Variants in SYNE1 observed in about 807,000 individuals in gnomAD.
SYNE1 encodes the protein nesprin-1.
Under a neutral mutation model 1,111.0 loss-of-function variants are expected in SYNE1, and 616 were observed. The observed-to-expected ratio is 0.55, with a 90% CI of 0.52 to 0.59. The LOEUF is 0.59. Among genes scored for constraint, SYNE1 ranks in the 20% least tolerant of loss-of-function variants. The pLI is 0.00. For synonymous variants in SYNE1, 3,855 were observed against 3,825.8 expected (o/e 1.01, Z -0.28); for missense variants, 10,006 against 10,417.0 (o/e 0.96, Z 1.72).
chr6:152,608,578 C>T (rs1047455740), intron 3 of SYNE1, among the ~76,000 whole-genome samples: 34 of 152,268 alleles, frequency 2.2e-4, no homozygotes, highest in African/African-American at 7.9e-4. Context: ...TCCTATTTTG[C>T]CTTAACTAAA....
chr6:152,627,805 T>C (rs2099688946), intron 3 of SYNE1, among the ~76,000 whole-genome samples: 1 of 152,156 alleles, frequency 6.6e-6, no homozygotes, highest in Non-Finnish European at 1.5e-5. Flanking sequence ...TGCCTCATTT[T>C]TCTTAAAAAA....
In SYNE1 at chr6:152,367,335, G is replaced by C; in HGVS notation, c.9855C>G (p.Phe3285Leu). The part of the protein sequence containing the change: ...LDRIVAEHNQ[F>L]SLGIKELQDW... ...CTTGTAATTCTTTAATCCCAAGAGA[G>C]AACTGATTGTGTTCTGCAACGATTC... is the stretch of plus-strand genomic sequence containing the variant. Residue 3285 changes from phenylalanine (F) to leucine (L), a missense_variant, in exon 62 of 146, where the codon TTC becomes TTG. Physicochemically the swap from Phe to Leu is conservative, Grantham distance 22. Around this residue, in one of 7 missense-constraint regions of SYNE1, gnomAD observed 4,955 missense variants for 5,017.2 expected, o/e 0.99. Coordinates refer to ENST00000367255, the MANE Select transcript of SYNE1 (RefSeq NM_182961.4). 1 of 1,614,170 alleles carries C rather than the reference G, an allele frequency of 6.2e-7. No homozygotes were observed. The highest frequency in any genetic ancestry group is 8.5e-7 in the Non-Finnish European group (1 of 1,180,030).
intron 4 of SYNE1, among the ~76,000 whole-genome samples, chr6:152,531,209 G>GAA (rs1393853013): frequency 6.7e-6 from 1 of 149,580 alleles, no homozygotes; most frequent in African/African-American, 2.5e-5. Context: ...ATAAGAAAAT[G>GAA]AAAAAAAAAA....
chr6:152,573,187 T>G (rs1377422459), intron 3 of SYNE1, among the ~76,000 whole-genome samples: 6 of 152,010 alleles, frequency 3.9e-5, no homozygotes, highest in Non-Finnish European at 8.8e-5. Flanking sequence ...TTTTTAAATT[T>G]TATTATTATT....
In SYNE1 at chr6:152,526,142, CA is replaced by C. The variant is rs1179696594; in HGVS notation, c.162del (p.Phe54LeufsTer4). On this transcript the variant is annotated frameshift_variant, in exon 5 of 146. Transcript: ENST00000367255. LOFTEE classifies it high-confidence loss of function. ...AGTTTAACACCATCTTTCATGTCTT[CA>C]AAAAGATCGTCCACCACCATTGGAG... ...RKPPMVVDDLFEDMKDGVKLL... is the reference protein window; with the variant it reads ...RKPPMVVDDLXEDMKDGVKLL... 1 of 1,614,012 alleles carries C rather than the reference CA, an allele frequency of 6.2e-7. No homozygotes were observed. The highest frequency in any genetic ancestry group is 8.5e-7 in the Non-Finnish European group (1 of 1,179,996).
intron 141 of SYNE1, 93 bp from the exon 142 acceptor site, chr6:152,135,325 C>G (rs569292155): frequency 1.4e-6 from 2 of 1,453,228 alleles, no homozygotes; most frequent in Admixed American, 3.9e-5. Context: ...AGCAAACATA[C>G]TTGGTTTTAA....
chr6:152,471,564 T>C (rs1479456326), intron 16 of SYNE1, 33 bp downstream of exon 16: 43 of 1,607,842 alleles, frequency 2.7e-5, no homozygotes, highest in Non-Finnish European at 3.4e-5. Flanking sequence ...CCATGGCTCA[T>C]AGGAATTCTC....
Position 152,262,031 on chromosome 6 carries a change from C to T in SYNE1, c.18972+1G>A. The T allele has an allele frequency of 6.2e-7, 1 of 1,611,212 alleles. No individual in the cohort carries two copies. The highest frequency in any genetic ancestry group is 1.1e-5 in the South Asian group (1 of 90,614). On this transcript the variant is annotated splice_donor_variant, in intron 101 of 145. Transcript: ENST00000367255. LOFTEE classifies it high-confidence loss of function. ...AATATATAATGTAAAATATTTGATA[C>T]CACTTGCTCTTGTTCCTGTTCCAGA...
chr6:152,494,359 T>G (rs2036939132), intron 11 of SYNE1, among the ~76,000 whole-genome samples: 1 of 152,276 alleles, frequency 6.6e-6, no homozygotes. Context: ...CTACCACACC[T>G]GACCCCCATG....
At chr6:152,310,598 T>A in intron 88 of SYNE1, 80 bp from the exon 89 acceptor site, 1 of 1,611,340 alleles carries the variant, frequency 6.2e-7, no homozygotes, top group South Asian at 1.1e-5. Context: ...AGAAACCACA[T>A]CACAGGTGAG....
At chr6:152,623,209 A>G (rs1452160932) in intron 3 of SYNE1, among the ~76,000 whole-genome samples, 1 of 152,118 alleles carries the variant, frequency 6.6e-6, no homozygotes, top group African/African-American at 2.4e-5. Context: ...AGCAACAAAC[A>G]TCTGATCTTT....
chr6:152,359,505 C>T, intron 64 of SYNE1, 47 bp from the exon 65 acceptor site: 1 of 1,611,260 alleles, frequency 6.2e-7, no homozygotes, highest in Non-Finnish European at 8.5e-7. Flanking sequence ...TGCACCATCA[C>T]ATCAACGACA....
chr6:152,416,806 A>G lies in SYNE1; in HGVS notation c.5631T>C (p.His1877=), dbSNP rs2098161657. ...LSHLAEFLQS[H]ASLSGILRQL... is the part of the protein sequence containing the mutation. ...GGCGGAGAATGCCGGACAGAGAGGC[A>G]TGGCTCTGGAGGAATTCTGCCAAAT... The change falls in exon 41 of 146, where the codon CAT becomes CAC. Residue 1877 remains histidine, a synonymous_variant. Transcript: ENST00000367255. The G allele has an allele frequency of 1.2e-6, 2 of 1,614,062 alleles. No homozygotes were observed. Among genetic ancestry groups the G allele is most frequent in the Non-Finnish European group, 1.7e-6 (2 of 1,180,046 alleles).
At chr6:152,424,386 C>T (rs929153953) in intron 39 of SYNE1, among the ~76,000 whole-genome samples, 6 of 152,262 alleles carry the variant, frequency 3.9e-5, no homozygotes, top group African/African-American at 7.2e-5. Context: ...CCTTACTTTC[C>T]CTCTAAGGGA....
At chr6:152,556,151 A>G (rs1464248345) in intron 3 of SYNE1, among the ~76,000 whole-genome samples, 1 of 152,224 alleles carries the variant, frequency 6.6e-6, no homozygotes, top group Non-Finnish European at 1.5e-5. Flanking sequence ...AGAGACATCA[A>G]TTTGAACAAC....
intron 138 of SYNE1, among the ~76,000 whole-genome samples, chr6:152,141,586 G>A (rs2058564263): frequency 6.6e-6 from 1 of 151,908 alleles, no homozygotes; most frequent in African/African-American, 2.4e-5. Context: ...GCAAAACTCT[G>A]TCTCTACAAA....
At chr6:152,510,136 G>A in intron 8 of SYNE1, 57 bp downstream of exon 8, 1 of 1,555,666 alleles carries the variant, frequency 6.4e-7, no homozygotes. Flanking sequence ...GTTGCAATTA[G>A]TAACATTCAT....
chr6:152,245,658 G>A (rs979910849), intron 105 of SYNE1, among the ~76,000 whole-genome samples: 3 of 152,182 alleles, frequency 2.0e-5, no homozygotes, highest in Non-Finnish European at 2.9e-5. Context: ...ATTGACTTAG[G>A]AAATCTGGGG....
intron 137 of SYNE1, chr6:152,145,518 T>G: frequency 6.2e-7 from 1 of 1,613,832 alleles, no homozygotes; most frequent in Non-Finnish European, 8.5e-7. Context: ...TTTCTGTGAG[T>G]TTTACATAGG....
Sources: gnomAD v4.1 joint callset for allele counts (sites outside exome capture counted in the v4.1 genomes callset) on GRCh38, gnomAD v4.1.1 for gene constraint, gnomAD v4.1.1 regional missense constraint, MANE v1.5 for transcripts, NCBI Gene and HGNC (gene_info 2026-07-23, HGNC 2026-07-21) for gene names.